PHF14: variants seen among roughly 807,000 people sequenced by gnomAD.
The protein encoded by PHF14 is PHD finger protein 14.
Under a neutral mutation model 117.9 loss-of-function variants are expected in PHF14, and 55 were observed. The ratio of observed to expected loss-of-function variants is 0.47; its 90% CI spans 0.38 to 0.58. PHF14 has a LOEUF of 0.58. PHF14 is among the 20% of genes least tolerant of loss of function. PHF14 has a pLI of 0.00. For missense variants in PHF14, 978 were observed against 1,122.2 expected (o/e 0.87, Z 1.84); for synonymous variants, 409 against 368.6 (o/e 1.11, Z -1.26).
chr7:11,151,697 C>G (rs1001133637), intron 17 of PHF14, among the ~76,000 whole-genome samples: 1 of 152,078 alleles, frequency 6.6e-6, no homozygotes, highest in Non-Finnish European at 1.5e-5. Context: ...GTTCCCAAGA[C>G]CCCCAGGAGT....
chr7:11,013,672 T>C, intron 4 of PHF14, 75 bp from the exon 5 acceptor site: 1 of 752,654 alleles, frequency 1.3e-6, no homozygotes, highest in Non-Finnish European at 2.1e-6. Context: ...TCTTTGCTAT[T>C]CTTTTTCTTT....
At chr7:10,981,890 T>C (rs527986639) in intron 2 of PHF14, among the ~76,000 whole-genome samples, 22 of 152,254 alleles carry the variant, frequency 1.4e-4, no homozygotes, top group Non-Finnish European at 2.5e-4. Context: ...AAGAGTAAAA[T>C]AAATGAAGCA....
chr7:10,986,608 T>C (rs1782235972), intron 3 of PHF14, among the ~76,000 whole-genome samples: 1 of 152,244 alleles, frequency 6.6e-6, no homozygotes, highest in Admixed American at 6.5e-5. Flanking sequence ...TTTTTGTCAA[T>C]AACCTTATGG....
intron 16 of PHF14, chr7:11,107,350 CTG>C (rs1454149727): frequency 4.5e-5 from 41 of 912,948 alleles, no homozygotes; most frequent in South Asian, 1.0e-4. Context: ...TACATATAGA[CTG>C]TGTTTATTTG....
chr7:11,007,038 G>A lies in PHF14; in HGVS notation c.1046-6709G>A, dbSNP rs148483513. 3.6e-3 allele frequency among the ~76,000 whole-genome samples: 549 copies of A among 151,866 alleles called. 5 individuals carry two copies. Among genetic ancestry groups the A allele is most frequent in the African/African-American group, 0.013 (522 of 41,482 alleles). ...TAAAAATACAAAAAATTTGCCAGGT[G>A]TGGTAGTGGGCACCTGTAATCCCAG... On this transcript the variant is annotated intron_variant, in intron 4 of 17. Coordinates refer to ENST00000634607, the MANE Select transcript of PHF14 (RefSeq NM_001007157.2).
intron 17 of PHF14, among the ~76,000 whole-genome samples, chr7:11,150,646 A>G (rs1056137004): frequency 1.3e-5 from 2 of 152,134 alleles, no homozygotes; most frequent in Non-Finnish European, 2.9e-5. Flanking sequence ...AGAATCCTCT[A>G]TTTTTTCCAG....
chr7:11,157,733 C>T (rs1479944897), intron 17 of PHF14, among the ~76,000 whole-genome samples: 1 of 152,154 alleles, frequency 6.6e-6, no homozygotes, highest in Non-Finnish European at 1.5e-5. Flanking sequence ...AGACATCCCT[C>T]AGTGTTACTG....
intron 17 of PHF14, among the ~76,000 whole-genome samples, chr7:11,120,287 A>C (rs1371040040): frequency 6.6e-6 from 1 of 152,012 alleles, no homozygotes; most frequent in South Asian, 2.1e-4. Context: ...CATTTGTAGA[A>C]GGTTGAATGG....
intron 16 of PHF14, among the ~76,000 whole-genome samples, chr7:11,065,171 G>A (rs1426455066): frequency 1.3e-5 from 2 of 151,694 alleles, no homozygotes; most frequent in Non-Finnish European, 2.9e-5. Flanking sequence ...TTTAAGTGCT[G>A]GTTTTTTGCC....
At chr7:11,113,334 G>T (rs1787503337) in intron 17 of PHF14, among the ~76,000 whole-genome samples, 2 of 152,200 alleles carry the variant, frequency 1.3e-5, no homozygotes, top group African/African-American at 4.8e-5. Flanking sequence ...AGTAGCCATT[G>T]GATAAGGTTT....
intron 17 of PHF14, among the ~76,000 whole-genome samples, chr7:11,127,031 G>A (rs1406062704): frequency 6.6e-6 from 1 of 151,986 alleles, no homozygotes; most frequent in African/African-American, 2.4e-5. Flanking sequence ...CTTTAAACAT[G>A]CTCATTTGGA....
At chr7:11,015,616 T>C (rs1299143295) in intron 5 of PHF14, among the ~76,000 whole-genome samples, 1 of 152,050 alleles carries the variant, frequency 6.6e-6, no homozygotes, top group Non-Finnish European at 1.5e-5. Flanking sequence ...ATGTAACCTT[T>C]TTATGCCTCA....
intron 17 of PHF14, among the ~76,000 whole-genome samples, chr7:11,113,752 A>C (rs1787517940): frequency 6.6e-6 from 1 of 152,140 alleles, no homozygotes; most frequent in East Asian, 1.9e-4. Flanking sequence ...GTGGGTAGTA[A>C]ATTTCTGTTG....
chr7:11,068,406 C>T (rs1227493921), intron 16 of PHF14, among the ~76,000 whole-genome samples: 1 of 143,932 alleles, frequency 6.9e-6, no homozygotes, highest in Non-Finnish European at 1.5e-5. Context: ...ACCTTGAGAA[C>T]GTTATGCTAA....
intron 16 of PHF14, among the ~76,000 whole-genome samples, chr7:11,084,526 A>G (rs1205665590): frequency 6.6e-6 from 1 of 151,314 alleles, no homozygotes; most frequent in African/African-American, 2.4e-5. Flanking sequence ...CACAATGCAT[A>G]ATGGACTTTT....
At chr7:11,022,534 G>GTTTCATTTTT (rs1783771650) in intron 5 of PHF14, among the ~76,000 whole-genome samples, 1 of 152,084 alleles carries the variant, frequency 6.6e-6, no homozygotes, top group African/African-American at 2.4e-5. Flanking sequence ...ATGATGTTTT[G>GTTTCATTTTT]TTTCATTTGA....
chr7:10,990,653 TTTTTAC>T, intron 3 of PHF14, 44 bp from the exon 4 acceptor site: 1 of 1,182,122 alleles, frequency 8.5e-7, no homozygotes, highest in Non-Finnish European at 1.2e-6. Context: ...TTAAGTTTTT[TTTTTAC>T]TTTAAATGTG....
chr7:10,978,907 G>A (rs1681302), intron 2 of PHF14, among the ~76,000 whole-genome samples: 5 of 151,924 alleles, frequency 3.3e-5, no homozygotes, highest in Non-Finnish European at 7.4e-5. Flanking sequence ...TGTGTTGACT[G>A]ATTGGCTGTC....
chr7:10,990,977 G>A, intron 4 of PHF14, 130 bp downstream of exon 4: 1 of 607,760 alleles, frequency 1.6e-6, no homozygotes, highest in Non-Finnish European at 2.7e-6. Context: ...AAGTATGGAT[G>A]CTATTTTTCA....
Sources: gnomAD v4.1 joint callset for allele counts (sites outside exome capture counted in the v4.1 genomes callset) on GRCh38, gnomAD v4.1.1 for gene constraint, MANE v1.5 for transcripts, NCBI Gene and HGNC (gene_info 2026-07-23, HGNC 2026-07-21) for gene names.